Variants in COMMD10 observed in about 807,000 individuals in gnomAD.
COMMD10 encodes the protein COMM domain containing 10.
Under a neutral mutation model 28.9 loss-of-function variants are expected in COMMD10, and 33 were observed. The observed-to-expected ratio is 1.14, with a 90% CI of 0.87 to 1.53. The LOEUF (loss-of-function observed/expected upper bound fraction) is 1.53. COMMD10 is among the 40% of genes most tolerant of loss of function. The probability of loss-of-function intolerance (pLI) is 0.00; values close to 1 mark genes in which losing one functional copy is unlikely to be tolerated. For missense variants in COMMD10, 310 were observed against 233.4 expected, an observed-to-expected ratio of 1.33 and a Z score of -2.14; for synonymous variants, 110 against 81.7, an observed-to-expected ratio of 1.35 and a Z score of -1.87.
At chr5:116,167,764 T>G (rs1381016012) in intron 5 of COMMD10, among the ~76,000 whole-genome samples, 2 of 152,184 alleles carry the variant, frequency 1.3e-5, no homozygotes, top group East Asian at 3.9e-4. Context: ...ATAAAATCCT[T>G]TACAGACAAC....
intron 5 of COMMD10, among the ~76,000 whole-genome samples, chr5:116,229,524 A>G (rs1444905184): frequency 1.3e-5 from 2 of 152,060 alleles, no homozygotes; most frequent in African/African-American, 2.4e-5. Context: ...GTACTGTTCA[A>G]TTCAGCAAGC....
chr5:116,244,041 A>G (rs1749878930), intron 5 of COMMD10, among the ~76,000 whole-genome samples: 1 of 152,144 alleles, frequency 6.6e-6, no homozygotes. Flanking sequence ...ATACACACAC[A>G]CATATTATAT....
intron 5 of COMMD10, among the ~76,000 whole-genome samples, chr5:116,256,365 A>G (rs1452183475): frequency 2.0e-5 from 3 of 151,764 alleles, no homozygotes; most frequent in African/African-American, 7.3e-5. Flanking sequence ...TAGCTTTGAC[A>G]TGATTATAGT....
At chr5:116,098,315 A>G (rs74961242) in intron 4 of COMMD10, among the ~76,000 whole-genome samples, 3,194 of 152,288 alleles carry the variant, frequency 0.021, 109 homozygotes, top group African/African-American at 0.074. Flanking sequence ...GTGTACATGC[A>G]ATGACTTTAA....
intron 5 of COMMD10, among the ~76,000 whole-genome samples, chr5:116,226,764 A>G (rs754355132): frequency 2.8e-4 from 42 of 152,124 alleles, no homozygotes; most frequent in Non-Finnish European, 6.0e-4. Context: ...CATAACCCTC[A>G]CAGGTAACAG....
At chr5:116,165,106 G>T (rs1417214625) in intron 5 of COMMD10, among the ~76,000 whole-genome samples, 1 of 152,106 alleles carries the variant, frequency 6.6e-6, no homozygotes. Flanking sequence ...ATGCTGTTGA[G>T]GCCTGAAGAG....
intron 5 of COMMD10, among the ~76,000 whole-genome samples, chr5:116,233,117 C>G (rs915420364): frequency 1.3e-5 from 2 of 152,094 alleles, no homozygotes; most frequent in Non-Finnish European, 2.9e-5. Flanking sequence ...TAATATTCCC[C>G]CACTTATTTT....
chr5:116,222,210 C>G (rs1335376182), intron 5 of COMMD10, among the ~76,000 whole-genome samples: 2 of 152,142 alleles, frequency 1.3e-5, no homozygotes, highest in East Asian at 3.9e-4. Flanking sequence ...GTCTGTTACT[C>G]TATTCTCATG....
chr5:116,211,666 A>G (rs767897229), intron 5 of COMMD10, among the ~76,000 whole-genome samples: 2 of 152,152 alleles, frequency 1.3e-5, no homozygotes, highest in Non-Finnish European at 2.9e-5. Flanking sequence ...ACATGGATGC[A>G]TTTTCAATTG....
chr5:116,115,113 C>G (rs999430148), intron 4 of COMMD10, among the ~76,000 whole-genome samples: 1 of 152,294 alleles, frequency 6.6e-6, no homozygotes, highest in South Asian at 2.1e-4. Flanking sequence ...TGGCATCTTA[C>G]TGTAGCTGCT....
intron 5 of COMMD10, among the ~76,000 whole-genome samples, chr5:116,173,666 T>C (rs1405159509): frequency 6.6e-6 from 1 of 152,144 alleles, no homozygotes; most frequent in Non-Finnish European, 1.5e-5. Flanking sequence ...TATGGTCTGT[T>C]CTATGTCTTC....
At chr5:116,107,736 G>A (rs1750889298) in intron 4 of COMMD10, among the ~76,000 whole-genome samples, 1 of 149,932 alleles carries the variant, frequency 6.7e-6, no homozygotes, top group Admixed American at 6.6e-5. Context: ...GCGAGGAGTT[G>A]TGATCCTTTG....
In COMMD10 at chr5:116,234,027, G is replaced by A. The variant is rs183818024; in HGVS notation, c.511-57490G>A. Reference sequence around the variant, plus strand: ...AAAAATAGGAAGATCTTCAGTCAGTGATGCTAATGTGTCTGAAGAGTCAGG... The same window carrying A: ...AAAAATAGGAAGATCTTCAGTCAGTAATGCTAATGTGTCTGAAGAGTCAGG... On this transcript the variant is annotated intron_variant, in intron 5 of 6. Transcript: ENST00000274458. 3.9e-5 allele frequency among the ~76,000 whole-genome samples: 6 copies of A among 152,284 alleles called. No individual in the cohort carries two copies. The East Asian group carries it at 9.7e-4, about 24-fold the overall frequency.
At chr5:116,177,185 A>G (rs1753543398) in intron 5 of COMMD10, among the ~76,000 whole-genome samples, 1 of 152,056 alleles carries the variant, frequency 6.6e-6, no homozygotes, top group Non-Finnish European at 1.5e-5. Flanking sequence ...CAGTGGACAA[A>G]GTGTCTTAAT....
intron 5 of COMMD10, among the ~76,000 whole-genome samples, chr5:116,251,264 CTTTT>C (rs869027375): frequency 8.2e-6 from 1 of 122,048 alleles, no homozygotes; most frequent in African/African-American, 2.8e-5. Flanking sequence ...AGACTCTTTT[CTTTT>C]TATTTATTTA....
rs1316627134 is a variant in COMMD10, at chr5:116,134,122, A to C, written c.454A>C (p.Lys152Gln). The part of the protein sequence containing the change: ...NLQMAHSAQA[K>Q]LKSPQAVLQL... ...TCAGATGGCTCACTCTGCTCAAGCA[A>C]AACTAAAATCTCCTCAAGCTGTGTT... is the stretch of plus-strand genomic sequence containing the variant. The change falls in exon 5 of 7, where the codon AAA becomes CAA. Residue 152 changes from lysine (K) to glutamine (Q), a missense_variant. Lys to Gln is a moderately conservative substitution (Grantham distance 53). Coordinates refer to ENST00000274458, the MANE Select transcript of COMMD10 (RefSeq NM_016144.4). 1 of 1,613,160 alleles carries C rather than the reference A, an allele frequency of 6.2e-7. No homozygotes were observed. The highest frequency in any genetic ancestry group is 2.2e-5 in the East Asian group (1 of 44,872).
intron 5 of COMMD10, among the ~76,000 whole-genome samples, chr5:116,179,667 G>A (rs1189374965): frequency 6.6e-6 from 1 of 152,120 alleles, no homozygotes; most frequent in African/African-American, 2.4e-5. Flanking sequence ...CTGGATTGAA[G>A]CAGTCCTTGC....
chr5:116,185,384 C>T (rs7701626), intron 5 of COMMD10, among the ~76,000 whole-genome samples: 7,956 of 152,106 alleles, frequency 0.052, 288 homozygotes, highest in African/African-American at 0.11. Context: ...TCTGTTTTAC[C>T]ATTTGTATTT....
chr5:116,197,268 C>G (rs899167339), intron 5 of COMMD10, among the ~76,000 whole-genome samples: 1 of 149,844 alleles, frequency 6.7e-6, no homozygotes, highest in Non-Finnish European at 1.5e-5. Flanking sequence ...AAATTAACAC[C>G]TAGGATAACA....
Sources: allele counts gnomAD v4.1 joint callset (sites outside exome capture counted in the v4.1 genomes callset), GRCh38; gene constraint gnomAD v4.1.1; transcripts MANE v1.5; gene names NCBI Gene and HGNC (gene_info 2026-07-23, HGNC 2026-07-21).